ICE2: variants seen among roughly 807,000 people sequenced by gnomAD.
The protein encoded by ICE2 is little elongation complex subunit 2.
Under a neutral mutation model 105.4 loss-of-function variants are expected in ICE2, and 87 were observed. That is an observed-to-expected ratio of 0.83 (90% CI 0.69 to 0.99). The LOEUF is 0.99. ICE2 is among the 50% of genes least tolerant of loss of function. The pLI is 0.00. For synonymous variants in ICE2, 399 were observed against 392.0 expected, an observed-to-expected ratio of 1.02 and a Z score of -0.21; for missense variants, 1,323 against 1,146.7, an observed-to-expected ratio of 1.15 and a Z score of -2.22.
chr15:60,455,244 G>T, intron 7 of ICE2, 82 bp from the exon 8 acceptor site: 2 of 1,514,156 alleles, frequency 1.3e-6, no homozygotes, highest in African/African-American at 1.4e-5. Flanking sequence ...TCAGAAAGGG[G>T]ACTTTGGGAC....
intron 11 of ICE2, among the ~76,000 whole-genome samples, chr15:60,447,144 C>T (rs557283339): frequency 8.6e-5 from 13 of 151,954 alleles, no homozygotes; most frequent in African/African-American, 3.1e-4. Flanking sequence ...AAAGAAACAA[C>T]AGGGGAAAAA....
rs202154594 is a variant in ICE2, at chr15:60,478,753, TG to T, written c.-93+249del. On this transcript the variant is annotated intron_variant, in intron 1 of 15. Coordinates refer to ENST00000261520, the MANE Select transcript of ICE2 (RefSeq NM_024611.6). ...CTCACACTTCGACCCAGTGTGGAGC[TG>T]GGGGGGAATAGTCGAGGAAGGCAAA... 5.2e-3 allele frequency: 1,841 copies of T among 351,254 alleles called. 31 individuals are homozygous for T. The highest frequency in any genetic ancestry group is 0.038 in the African/African-American group (1,740 of 46,344). The allele number at this position is 351,254 out of a possible 1,614,324, so 21.8% of individuals were successfully genotyped here.
intron 5 of ICE2, among the ~76,000 whole-genome samples, chr15:60,461,918 G>A (rs1237735794): frequency 6.6e-6 from 1 of 152,140 alleles, no homozygotes; most frequent in Non-Finnish European, 1.5e-5. Flanking sequence ...AAAGCCAGTA[G>A]GAAGAGCCTC....
At chr15:60,438,645 A>G (rs1343835329) in intron 12 of ICE2, 1 of 152,256 alleles carries the variant, frequency 6.6e-6, no homozygotes, top group African/African-American at 2.4e-5. Context: ...AAAAAGTTTT[A>G]TAGTATATGT....
chr15:60,448,928 GAA>G lies in ICE2; in HGVS notation c.2037_2038del (p.Ser680Ter). ...GTCTGAAGGACCAGACAATTGCTCA[GAA>G]ACAGAAGGCTGTTTAGAATTTTCTA... On this transcript the variant is annotated frameshift_variant, in exon 10 of 16. Coordinates refer to ENST00000261520, the MANE Select transcript of ICE2 (RefSeq NM_024611.6). LOFTEE classifies it high-confidence loss of function. 1 of 1,613,872 alleles carries G rather than the reference GAA, an allele frequency of 6.2e-7. No individual in the cohort carries two copies. The highest frequency in any genetic ancestry group is 8.5e-7 in the Non-Finnish European group (1 of 1,179,830).
At chr15:60,471,698 C>A (rs2141159593) in intron 3 of ICE2, among the ~76,000 whole-genome samples, 1 of 152,026 alleles carries the variant, frequency 6.6e-6, no homozygotes, top group Admixed American at 6.5e-5. Context: ...ACGTATACAG[C>A]ATTATATTTT....
At chr15:60,428,737 A>G in intron 14 of ICE2, 50 bp from the exon 15 acceptor site, 2 of 1,576,240 alleles carry the variant, frequency 1.3e-6, no homozygotes, top group Non-Finnish European at 1.7e-6. Context: ...TGTCAATTTC[A>G]ACATCACTTT....
At position 60,460,789 on chromosome 15, in the gene ICE2, C is replaced by G. The variant is rs1432055333; in HGVS notation, c.529-3995G>C. On this transcript the variant is annotated intron_variant, in intron 5 of 15. Transcript: ENST00000261520. The stretch of plus-strand genomic sequence containing the variant: ...GTTGAAAATGACTATGCTAGAACAA[C>G]TAGATATTCATAGATATTCATACGG... 2.0e-5 allele frequency among the ~76,000 whole-genome samples: 3 copies of G among 152,112 alleles called. No individual in the cohort carries two copies. The East Asian group carries it at 5.8e-4, about 29-fold the overall frequency.
chr15:60,477,821 A>G (rs1321480047), intron 2 of ICE2, 116 bp downstream of exon 2: 2 of 933,952 alleles, frequency 2.1e-6, no homozygotes, highest in Non-Finnish European at 3.5e-6. Context: ...CTGAGACCCT[A>G]AACTTGTATT....
chr15:60,468,192 GAA>G lies in ICE2; in HGVS notation c.275_276del (p.Val92AlafsTer22). On this transcript the variant is annotated frameshift_variant, in exon 4 of 16. Transcript: ENST00000261520. LOFTEE classifies it high-confidence loss of function. ...GAGAAACGAGAGAAACGAGGATAAG[GAA>G]CTCTTGGTTTTGGAAGAAGAACCAT... ...IGMVLLPKPR[V>X]PYPRFSRFSQ... The G allele has an allele frequency of 6.2e-7, 1 of 1,614,046 alleles. No individual in the cohort carries two copies. The highest frequency in any genetic ancestry group is 8.5e-7 in the Non-Finnish European group (1 of 1,179,980).
Position 60,442,511 on chromosome 15 carries a change from T to C in ICE2, c.2330A>G (p.Tyr777Cys). ...FPVYVLPKVE[Y>C]QACYGVEALT... ...AGCTTCAACTCCATAACAAGCTTGA[T>C]ACTCTACTTTTGGTAGTACATAAAC... The change falls in exon 12 of 16, where the codon TAT becomes TGT. Residue 777 changes from tyrosine (Y) to cysteine (C), a missense_variant. Coordinates refer to ENST00000261520, the MANE Select transcript of ICE2 (RefSeq NM_024611.6). 1 of 1,588,660 alleles carries C rather than the reference T, an allele frequency of 6.3e-7. No individual in the cohort carries two copies. The highest frequency in any genetic ancestry group is 1.2e-5 in the South Asian group (1 of 84,970).
Position 60,421,913 on chromosome 15 carries a change from A to C in ICE2, c.*1721T>G, listed in dbSNP as rs956427020. On this transcript the variant is annotated 3_prime_UTR_variant, in exon 16 of 16. Coordinates refer to ENST00000261520, the MANE Select transcript of ICE2 (RefSeq NM_024611.6). ...AAATCAAAATGAAACAAAACTTGGTAGTTGAATATAAGTATTTTCAACTGT... is the reference window on the plus strand; with the variant it reads ...AAATCAAAATGAAACAAAACTTGGTCGTTGAATATAAGTATTTTCAACTGT... 15 of 152,334 alleles carry C rather than the reference A, an allele frequency of 9.8e-5. No individual in the cohort carries two copies. Among genetic ancestry groups the C allele is most frequent in the African/African-American group, 3.6e-4 (15 of 41,582 alleles). 9.4% of individuals were successfully genotyped at this position (152,334 alleles called of 1,614,324 possible).
At chr15:60,427,853 C>T (rs1333808098) in intron 15 of ICE2, among the ~76,000 whole-genome samples, 5 of 152,072 alleles carry the variant, frequency 3.3e-5, no homozygotes, top group Admixed American at 2.6e-4. Context: ...TTACTTTTGG[C>T]AAGGGTTCTA....
chr15:60,474,370 A>G (rs190806787), intron 3 of ICE2, among the ~76,000 whole-genome samples: 78 of 152,276 alleles, frequency 5.1e-4, no homozygotes, highest in African/African-American at 1.7e-3. Context: ...CTACTTATAC[A>G]AACACATGTA....
intron 9 of ICE2, 115 bp from the exon 10 acceptor site, chr15:60,449,956 G>T: frequency 1.3e-6 from 1 of 769,308 alleles, no homozygotes. Flanking sequence ...AGAAAGAAAA[G>T]TCTAATGGTT....
chr15:60,451,732 C>T, intron 9 of ICE2: 1 of 457,578 alleles, frequency 2.2e-6, no homozygotes, highest in Non-Finnish European at 2.9e-6. Flanking sequence ...GAGGTGCAGC[C>T]CCTTTGGGGT....
At chr15:60,453,540 CTT>C (rs750385363) in intron 9 of ICE2, 61 bp downstream of exon 9, 5 of 1,575,222 alleles carry the variant, frequency 3.2e-6, no homozygotes, top group Non-Finnish European at 4.3e-6. Context: ...TGCAATAAAA[CTT>C]TATGCTTCAA....
chr15:60,468,558 A>T (rs1259104596), intron 3 of ICE2, among the ~76,000 whole-genome samples: 5 of 152,250 alleles, frequency 3.3e-5, no homozygotes, highest in Non-Finnish European at 7.3e-5. Flanking sequence ...GGAGAGGAAG[A>T]GGTATACTTA....
intron 11 of ICE2, chr15:60,445,851 T>G: frequency 7.1e-6 from 6 of 847,894 alleles, no homozygotes; most frequent in South Asian, 5.4e-5. Flanking sequence ...GAAATGAGGT[T>G]AGCCTCAAAA....
Sources: gnomAD v4.1 joint callset for allele counts (sites outside exome capture counted in the v4.1 genomes callset) on GRCh38, gnomAD v4.1.1 for gene constraint, MANE v1.5 for transcripts, NCBI Gene and HGNC (gene_info 2026-07-23, HGNC 2026-07-21) for gene names.